Variants in RYK observed in about 807,000 individuals in gnomAD.
The protein encoded by RYK is inactive tyrosine-protein kinase RYK.
Under a neutral mutation model 70.2 loss-of-function variants are expected in RYK, and 21 were observed. That is an observed-to-expected ratio of 0.30 (90% confidence interval 0.21 to 0.43). RYK has a LOEUF of 0.43. RYK is among the 20% of genes least tolerant of loss of function. The pLI is 1.00. For synonymous variants in RYK, 267 were observed against 278.0 expected, an observed-to-expected ratio of 0.96 and a Z score of 0.39; for missense variants, 604 against 753.3, an observed-to-expected ratio of 0.80 and a Z score of 2.32.
At chr3:134,203,018 A>C (rs2014074256) in intron 5 of RYK, 144 bp from the exon 6 acceptor site, 1 of 692,122 alleles carries the variant, frequency 1.4e-6, no homozygotes, top group South Asian at 2.1e-5. Context: ...GTGGAAGTTC[A>C]CATAATTTTT....
intron 5 of RYK, among the ~76,000 whole-genome samples, chr3:134,203,152 A>C (rs894121438): frequency 2.0e-5 from 3 of 152,002 alleles, no homozygotes; most frequent in African/African-American, 7.2e-5. Flanking sequence ...GTTTGAGACC[A>C]CCCTGGCCAA....
Position 134,222,387 on chromosome 3 carries a change from TCATGATGTCTGTGG to T in RYK, c.354+17_354+30del. The T allele has an allele frequency of 1.9e-6, 3 of 1,611,748 alleles. No individual in the cohort carries two copies. Among genetic ancestry groups the T allele is most frequent in the Non-Finnish European group, 2.5e-6 (3 of 1,179,432 alleles). ...TTGCCTCTGTGGCTGGGTGACCCTGTCATGATGTCTGTGGTTAGCCACTCTCTTACCTTGGACTT... is the reference window on the plus strand; with the variant it reads ...TTGCCTCTGTGGCTGGGTGACCCTGTTTAGCCACTCTCTTACCTTGGACTT... On this transcript the variant is annotated intron_variant, in intron 2 of 14. Coordinates refer to ENST00000623711, the MANE Select transcript of RYK (RefSeq NM_002958.4).
At chr3:134,181,935 G>A (rs2013307956) in intron 10 of RYK, among the ~76,000 whole-genome samples, 1 of 152,258 alleles carries the variant, frequency 6.6e-6, no homozygotes, top group South Asian at 2.1e-4. Flanking sequence ...GGAGGCCGAG[G>A]TGGGCAGATC....
At chr3:134,240,415 AT>A (rs11364524) in intron 1 of RYK, among the ~76,000 whole-genome samples, 3,590 of 152,206 alleles carry the variant, frequency 0.024, 136 homozygotes, top group African/African-American at 0.082. Context: ...TAATAAATAC[AT>A]TTTTAAAGCA....
chr3:134,167,164 G>A (rs916973149), intron 13 of RYK, among the ~76,000 whole-genome samples: 13 of 151,794 alleles, frequency 8.6e-5, no homozygotes, highest in East Asian at 1.9e-4. Context: ...AATAATAAGC[G>A]CTCCATGCTC....
intron 5 of RYK, among the ~76,000 whole-genome samples, 172 bp downstream of exon 5, chr3:134,207,300 T>C (rs1331037877): frequency 2.0e-5 from 3 of 152,192 alleles, no homozygotes; most frequent in African/African-American, 7.2e-5. Context: ...ATATTCAATA[T>C]TCTAACAGTT....
chr3:134,171,464 T>C (rs1296242863), intron 13 of RYK, among the ~76,000 whole-genome samples: 2 of 152,222 alleles, frequency 1.3e-5, no homozygotes, highest in Non-Finnish European at 2.9e-5. Context: ...AACTTAATTT[T>C]CACTCTGTAG....
At chr3:134,164,331 T>G (rs538324022) in intron 13 of RYK, among the ~76,000 whole-genome samples, 22 of 152,298 alleles carry the variant, frequency 1.4e-4, no homozygotes, top group African/African-American at 4.3e-4. Flanking sequence ...ACATAAACAC[T>G]CCTGAAACCA....
chr3:134,160,959 CAG>C (rs2012448950), intron 13 of RYK, among the ~76,000 whole-genome samples: 1 of 152,128 alleles, frequency 6.6e-6, no homozygotes, highest in Non-Finnish European at 1.5e-5. Flanking sequence ...CAAATAAAAG[CAG>C]AGAGACTATG....
intron 1 of RYK, among the ~76,000 whole-genome samples, chr3:134,249,898 CTCCCCTTCTT>C (rs529259019): frequency 2.7e-5 from 4 of 145,604 alleles, no homozygotes; most frequent in African/African-American, 1.1e-4. Flanking sequence ...CCCTTATAAC[CTCCCCTTCTT>C]TCTCTCTCGT....
chr3:134,207,021 G>A (rs4234426), intron 5 of RYK, among the ~76,000 whole-genome samples: 111,930 of 151,946 alleles, frequency 0.74, 41,795 homozygotes, highest in East Asian at 0.99. Flanking sequence ...AAACACAACC[G>A]ATACCAAAAA....
At chr3:134,180,769 T>C (rs1458585591) in intron 10 of RYK, 1 of 152,232 alleles carries the variant, frequency 6.6e-6, no homozygotes, top group East Asian at 1.9e-4. Flanking sequence ...GACAATGTGT[T>C]TTATTCATTG....
At chr3:134,244,041 A>C (rs2015391039) in intron 1 of RYK, among the ~76,000 whole-genome samples, 1 of 152,202 alleles carries the variant, frequency 6.6e-6, no homozygotes, top group South Asian at 2.1e-4. Context: ...TTTTAAATAA[A>C]ATGTGAACAT....
At chr3:134,201,839 G>A (rs2014033797) in intron 6 of RYK, among the ~76,000 whole-genome samples, 1 of 152,204 alleles carries the variant, frequency 6.6e-6, no homozygotes, top group Non-Finnish European at 1.5e-5. Context: ...AAGTCACAAA[G>A]CTGGGGCATG....
At chr3:134,212,806 T>C (rs2014441127) in intron 2 of RYK, among the ~76,000 whole-genome samples, 1 of 152,186 alleles carries the variant, frequency 6.6e-6, no homozygotes, top group Non-Finnish European at 1.5e-5. Flanking sequence ...TTGTTACCCA[T>C]GAATAAGAAG....
chr3:134,184,757 C>A (rs1274815327), intron 9 of RYK, among the ~76,000 whole-genome samples: 1 of 151,010 alleles, frequency 6.6e-6, no homozygotes, highest in Admixed American at 6.6e-5. Flanking sequence ...AGAGCAAGAC[C>A]CTGTCTCCCA....
At chr3:134,242,155 A>C (rs1236589362) in intron 1 of RYK, among the ~76,000 whole-genome samples, 4 of 152,112 alleles carry the variant, frequency 2.6e-5, no homozygotes, top group Non-Finnish European at 5.9e-5. Flanking sequence ...AAATACAAAA[A>C]TTAGCTGGGA....
intron 5 of RYK, among the ~76,000 whole-genome samples, chr3:134,205,841 G>A (rs914446427): frequency 7.9e-5 from 12 of 152,102 alleles, no homozygotes; most frequent in African/African-American, 2.4e-4. Flanking sequence ...ATAAACCCCC[G>A]AGGAAAGGAT....
chr3:134,247,123 A>C (rs1249710718), intron 1 of RYK, among the ~76,000 whole-genome samples: 1 of 150,364 alleles, frequency 6.7e-6, no homozygotes, highest in Non-Finnish European at 1.5e-5. Context: ...AAAATGTATA[A>C]AAAAAATCAT....
Sources: gnomAD v4.1 joint callset for allele counts (sites outside exome capture counted in the v4.1 genomes callset) on GRCh38, gnomAD v4.1.1 for gene constraint, MANE v1.5 for transcripts, NCBI Gene and HGNC (gene_info 2026-07-23, HGNC 2026-07-21) for gene names.